ZNF556: variants seen among roughly 807,000 people sequenced by gnomAD.
ZNF556 encodes the protein zinc finger protein 556.
Under a neutral mutation model 13.6 loss-of-function variants are expected in ZNF556, and 11 were observed. The observed-to-expected ratio is 0.81, with a 90% CI of 0.51 to 1.33. ZNF556 has a LOEUF of 1.33. Among genes scored for constraint, ZNF556 ranks in the 40% most tolerant of loss-of-function variants. The pLI, the probability that ZNF556 is intolerant of heterozygous loss-of-function variation, is 0.00. For synonymous variants in ZNF556, 229 were observed against 207.8 expected (o/e 1.10, Z -0.88); for missense variants, 633 against 566.2 (o/e 1.12, Z -1.20).
rs775889502 is a variant in ZNF556, at chr19:2,877,791, T to C, written c.833T>C (p.Met278Thr). Residue 278 changes from methionine (M) to threonine (T), a missense_variant, in exon 4 of 4, where the codon ATG (methionine) becomes ACG (threonine). Coordinates refer to ENST00000307635, the MANE Select transcript of ZNF556 (RefSeq NM_024967.3). ...FRCQKSFRVH[M>T]IMHAGGRPYE... is the part of the protein sequence containing the mutation. The stretch of plus-strand genomic sequence containing the variant: ...TGTCAGAAATCCTTTCGAGTCCATA[T>C]GATCATGCACGCCGGAGGGAGACCG... The C allele has an allele frequency of 2.5e-6, 4 of 1,613,682 alleles. No homozygotes were observed. The South Asian group carries it at 4.4e-5, about 18-fold the overall frequency.
Position 2,882,083 on chromosome 19 carries a change from G to C in ZNF556, c.*3754G>C, listed in dbSNP as rs2087908166. On this transcript the variant is annotated 3_prime_UTR_variant, in exon 4 of 4. Coordinates refer to ENST00000307635, the MANE Select transcript of ZNF556 (RefSeq NM_024967.3). ...TTATCTTGCCACTGTACTCCAGCCA[G>C]GGTGACAGAATGAGACCGTGTGTCA... 1 of 152,138 alleles carries C rather than the reference G, an allele frequency of 6.6e-6. No individual in the cohort carries two copies. Among genetic ancestry groups the C allele is most frequent in the Non-Finnish European group, 1.5e-5 (1 of 68,034 alleles). The allele number at this position is 152,138 out of a possible 1,614,324, so 9.4% of individuals were successfully genotyped here.
chr19:2,871,427 C>T (rs1435981231), intron 1 of ZNF556, among the ~76,000 whole-genome samples: 1 of 152,164 alleles, frequency 6.6e-6, no homozygotes, highest in Admixed American at 6.6e-5. Flanking sequence ...AGATGTTGGT[C>T]AAAGTGAACC....
chr19:2,877,938 C>G lies in ZNF556; in HGVS notation c.980C>G (p.Pro327Arg). 6.2e-7 allele frequency: 1 copy of G among 1,614,122 alleles called. No individual in the cohort carries two copies. The stretch of plus-strand genomic sequence containing the variant: ...AAATGCGGGAAAGCATTCGGTTGGC[C>G]CTCATCCTTACACAAACACGCGAGA... ...CGKCGKAFGWPSSLHKHARTH... is the reference protein window; with the variant it reads ...CGKCGKAFGWRSSLHKHARTH... Residue 327 changes from proline to arginine, a missense_variant, in exon 4 of 4, where the codon CCC becomes CGC. Coordinates refer to ENST00000307635, the MANE Select transcript of ZNF556 (RefSeq NM_024967.3).
chr19:2,872,716 G>A (rs1314281983), intron 1 of ZNF556, among the ~76,000 whole-genome samples: 1 of 151,816 alleles, frequency 6.6e-6, no homozygotes, highest in Non-Finnish European at 1.5e-5. Context: ...CTACTCAGGA[G>A]GCTGAGGCAG....
chr19:2,869,725 G>T (rs564848284), intron 1 of ZNF556, among the ~76,000 whole-genome samples: 1 of 152,096 alleles, frequency 6.6e-6, no homozygotes, highest in Admixed American at 6.6e-5. Context: ...AAGCTGACAC[G>T]CCTACTTCTC....
rs538439251 is a variant in ZNF556, at chr19:2,877,678, C to T, written c.720C>T (p.Phe240=). The T allele has an allele frequency of 1.6e-5, 26 of 1,614,220 alleles. No individual in the cohort carries two copies. The highest frequency in any genetic ancestry group is 1.6e-4 in the African/African-American group (12 of 75,060). ...AATGTGGGCAGTGTGGGAAAGGCTT[C>T]AGTTGTCCCAAATCCTTTCGCGCAC... The part of the protein sequence containing the change: ...PYECGQCGKG[F]SCPKSFRAHV... Residue 240 remains phenylalanine, a synonymous_variant, in exon 4 of 4, where the codon TTC becomes TTT. Coordinates refer to ENST00000307635, the MANE Select transcript of ZNF556 (RefSeq NM_024967.3).
At position 2,873,481 on chromosome 19, in the gene ZNF556, T is replaced by A; in HGVS notation, c.4-15T>A. 6.2e-7 allele frequency: 1 copy of A among 1,613,764 alleles called. No homozygotes were observed. The highest frequency in any genetic ancestry group is 8.5e-7 in the Non-Finnish European group (1 of 1,179,822). ...TTTACCCCATCCTCATGTACACATA[T>A]GTGGTTTGTTTTAGGACACAGTGGT... is the stretch of plus-strand genomic sequence containing the variant. On this transcript the variant is annotated splice_polypyrimidine_tract_variant and intron_variant, in intron 1 of 3. Transcript: ENST00000307635.
rs186812466 is a variant in ZNF556, at chr19:2,878,363, A to G, written c.*34A>G. Reference sequence around the variant, plus strand: ...AACCTGTGCAAATTAATTCACATACATGGTTCAGAAAATTCACAGCAGGAG... The same window carrying G: ...AACCTGTGCAAATTAATTCACATACGTGGTTCAGAAAATTCACAGCAGGAG... On this transcript the variant is annotated 3_prime_UTR_variant, in exon 4 of 4. Transcript: ENST00000307635. 1.7e-4 allele frequency: 271 copies of G among 1,593,598 alleles called. 5 individuals carry two copies. In the South Asian group the frequency reaches 2.2e-3, roughly 13 times the overall value.
At chr19:2,867,860 G>C (rs1178705817) in intron 1 of ZNF556, among the ~76,000 whole-genome samples, 1 of 152,142 alleles carries the variant, frequency 6.6e-6, no homozygotes, top group Non-Finnish European at 1.5e-5. Context: ...GGCGCTCCAC[G>C]TGGCGGCACG....
intron 3 of ZNF556, 72 bp downstream of exon 3, chr19:2,876,348 G>A (rs539834651): frequency 2.1e-5 from 29 of 1,409,952 alleles, no homozygotes; most frequent in Middle Eastern, 2.6e-4. Flanking sequence ...CCAGCACTTC[G>A]GGAGGCCAAG....
chr19:2,867,407 A>G lies in ZNF556; in HGVS notation c.-15A>G, dbSNP rs1379411012. On this transcript the variant is annotated 5_prime_UTR_variant, in exon 1 of 4. Coordinates refer to ENST00000307635, the MANE Select transcript of ZNF556 (RefSeq NM_024967.3). ...GAGCAGGGAGCTCCTCAAAGAGCTC[A>G]GGAACGGACAGGACATGGTGAGTGC... 6 of 1,582,858 alleles carry G rather than the reference A, an allele frequency of 3.8e-6. No homozygotes were observed. Among genetic ancestry groups the G allele is most frequent in the African/African-American group, 1.3e-5 (1 of 74,888 alleles).
chr19:2,868,673 T>TC (rs1279774783), intron 1 of ZNF556, among the ~76,000 whole-genome samples: 1 of 150,196 alleles, frequency 6.7e-6, no homozygotes, highest in African/African-American at 2.5e-5. Context: ...CGCCTTGGCC[T>TC]CCCAGAATGC....
In ZNF556 at chr19:2,878,532, C is replaced by T. The variant is rs544309281; in HGVS notation, c.*203C>T. On this transcript the variant is annotated 3_prime_UTR_variant, in exon 4 of 4. Transcript: ENST00000307635. The stretch of plus-strand genomic sequence containing the variant: ...AAAAAAAAAAATACAAAAAATTAGC[C>T]GGGCGTGGTGGCGGGCACCTGTAGT... 5.0e-5 allele frequency: 22 copies of T among 442,012 alleles called. No individual in the cohort carries two copies. The highest frequency in any genetic ancestry group is 1.5e-4 in the South Asian group (6 of 41,320). The allele number at this position is 442,012 out of a possible 1,614,324, so 27.4% of individuals were successfully genotyped here.
chr19:2,871,934 CA>C (rs1025766346), intron 1 of ZNF556, among the ~76,000 whole-genome samples: 11 of 152,196 alleles, frequency 7.2e-5, no homozygotes, highest in Admixed American at 4.6e-4. Context: ...GTCCACTGGA[CA>C]GGGGGCCCTT....
intron 3 of ZNF556, 62 bp downstream of exon 3, chr19:2,876,338 C>T (rs937887555): frequency 1.4e-6 from 2 of 1,461,774 alleles, no homozygotes; most frequent in Non-Finnish European, 1.8e-6. Flanking sequence ...GCCTGTAATC[C>T]CAGCACTTCG....
intron 2 of ZNF556, chr19:2,874,913 C>CTTTTTTT (rs1237157520): frequency 2.4e-5 from 3 of 125,184 alleles, no homozygotes; most frequent in African/African-American, 9.4e-5. Context: ...ACTGCTTGTA[C>CTTTTTTT]TTTTTTTTTT....
chr19:2,877,568 G>C lies in ZNF556; in HGVS notation c.610G>C (p.Ala204Pro). Residue 204 changes from alanine (A) to proline (P), a missense_variant, in exon 4 of 4, where the codon GCC becomes CCC. Physicochemically the swap from Ala to Pro is conservative, Grantham distance 27. Coordinates refer to ENST00000307635, the MANE Select transcript of ZNF556 (RefSeq NM_024967.3). ...EKTHSGEKPY[A>P]CQSCGKTFLR... ...AACTCACAGTGGAGAGAAACCCTAT[G>C]CCTGTCAATCTTGCGGGAAGACATT... The C allele has an allele frequency of 6.2e-7, 1 of 1,614,134 alleles. No homozygotes were observed. The highest frequency in any genetic ancestry group is 1.1e-5 in the South Asian group (1 of 91,080).
At position 2,878,202 on chromosome 19, in the gene ZNF556, A is replaced by G. The variant is rs2087876764; in HGVS notation, c.1244A>G (p.Asn415Ser). The G allele has an allele frequency of 6.2e-7, 1 of 1,614,070 alleles. No individual in the cohort carries two copies. Among genetic ancestry groups the G allele is most frequent in the Non-Finnish European group, 8.5e-7 (1 of 1,180,050 alleles). Residue 415 changes from asparagine to serine, a missense_variant, in exon 4 of 4, where the codon AAT becomes AGT. Transcript: ENST00000307635. ...TCAGGCGGGCTTTGCTCTTCCAAAAATGTAAGAACGCAGATTGGACAGAAG... is the reference window on the plus strand; with the variant it reads ...TCAGGCGGGCTTTGCTCTTCCAAAAGTGTAAGAACGCAGATTGGACAGAAG... ...KPSGGLCSSK[N>S]VRTQIGQKPS...
intron 1 of ZNF556, 107 bp from the exon 2 acceptor site, chr19:2,873,389 A>G (rs2087821312): frequency 7.4e-7 from 1 of 1,345,752 alleles, no homozygotes; most frequent in Non-Finnish European, 1.0e-6. Context: ...TTAAATAGAT[A>G]TTGGCAGACT....
Sources: allele counts gnomAD v4.1 joint callset (sites outside exome capture counted in the v4.1 genomes callset), GRCh38; gene constraint gnomAD v4.1.1; transcripts MANE v1.5; gene names NCBI Gene and HGNC (gene_info 2026-07-23, HGNC 2026-07-21).